The following EIF2D variants were observed in gnomAD, a reference collection of about 807,000 sequenced individuals.
The protein encoded by EIF2D is eukaryotic translation initiation factor 2D.
A neutral mutation model predicts 77.4 loss-of-function variants in EIF2D; 56 were observed. The observed-to-expected ratio is 0.72, with a 90% CI of 0.58 to 0.90. The LOEUF is 0.90. EIF2D is among the 40% of genes least tolerant of loss of function. The pLI, the probability that EIF2D is intolerant of heterozygous loss-of-function variation, is 0.00. For synonymous variants in EIF2D, 230 were observed against 271.0 expected (o/e 0.85, Z 1.49); for missense variants, 574 against 706.5 (o/e 0.81, Z 2.13).
At chr1:206,577,852 T>A (rs1668712171) in intron 4 of EIF2D, among the ~76,000 whole-genome samples, 1 of 152,132 alleles carries the variant, frequency 6.6e-6, no homozygotes, top group South Asian at 2.1e-4. Context: ...AGAGAACAAA[T>A]TGAAGTATGA....
chr1:206,584,538 AC>A lies in EIF2D; in HGVS notation c.139-3377del. ...ACCACGGACAAGCGGACATCCTTCT[AC>A]CTGCCCCTAGATGCCATCAAGCAGC... is the stretch of plus-strand genomic sequence containing the variant. On this transcript the variant is annotated intron_variant and NMD_transcript_variant, in intron 2 of 5. Coordinates refer to the EIF2D transcript ENST00000472709. The surrounding 1 kb of genome is among the most constrained non-coding windows in gnomAD (Gnocchi z 4.9). The A allele has an allele frequency of 6.2e-7, 1 of 1,614,134 alleles. No homozygotes were observed. The highest frequency in any genetic ancestry group is 8.5e-7 in the Non-Finnish European group (1 of 1,179,998).
At chr1:206,586,186 A>C (rs1486653050) in intron 2 of EIF2D, 1 of 152,764 alleles carries the variant, frequency 6.5e-6, no homozygotes, top group Non-Finnish European at 1.5e-5. Context: ...TTAGTACTCT[A>C]TTGTGCTCAA....
At chr1:206,588,213 A>G (rs1669204947), downstream of EIF2D, 1 of 152,814 alleles carries the variant, frequency 6.5e-6, no homozygotes, top group South Asian at 2.1e-4. Flanking sequence ...GAAGTGAACA[A>G]TGGCGGCGGT....
At chr1:206,574,376 G>A (rs782229618) in intron 4 of EIF2D, among the ~76,000 whole-genome samples, 3 of 152,200 alleles carry the variant, frequency 2.0e-5, no homozygotes, top group Non-Finnish European at 2.9e-5. Flanking sequence ...TCCCATCTGC[G>A]TCATCTCTCA....
At chr1:206,590,352 G>A (rs782035027), downstream of EIF2D, among the ~76,000 whole-genome samples, 3 of 152,290 alleles carry the variant, frequency 2.0e-5, no homozygotes, top group Admixed American at 6.5e-5. Flanking sequence ...TCAACAAGGC[G>A]GGACATGACC....
chr1:206,597,087 C>G lies in EIF2D; in HGVS notation c.1388+13G>C, dbSNP rs782257577. The G allele has an allele frequency of 7.5e-6, 12 of 1,609,588 alleles. No individual in the cohort carries two copies. The Admixed American group carries it at 2.0e-4, about 27-fold the overall frequency. On this transcript the variant is annotated intron_variant, in intron 12 of 14. Coordinates refer to ENST00000271764, the MANE Select transcript of EIF2D (RefSeq NM_006893.3). Reference sequence around the variant, plus strand: ...GATAGAAAAGTTGGAGAGGGACTGCCAATGCTCGTTACCTGGTCAGAAGAC... The same window carrying G: ...GATAGAAAAGTTGGAGAGGGACTGCGAATGCTCGTTACCTGGTCAGAAGAC...
At chr1:206,603,696 G>T (rs1670045611) in intron 5 of EIF2D, among the ~76,000 whole-genome samples, 1 of 152,208 alleles carries the variant, frequency 6.6e-6, no homozygotes, top group South Asian at 2.1e-4. Context: ...AGTGGCTTCT[G>T]TGTTACATCA....
chr1:206,608,154 A>C (rs1670287386), intron 4 of EIF2D, 82 bp downstream of exon 4: 1 of 1,350,912 alleles, frequency 7.4e-7, no homozygotes, highest in Non-Finnish European at 1.0e-6. Flanking sequence ...TTTTGTTCAT[A>C]TGCTTTATAA....
intron 12 of EIF2D, among the ~76,000 whole-genome samples, chr1:206,596,227 A>G (rs1219209820): frequency 6.6e-6 from 1 of 152,138 alleles, no homozygotes; most frequent in Non-Finnish European, 1.5e-5. Context: ...GCTGCTTCAC[A>G]TTTCTGACAT....
chr1:206,599,463 T>C lies in EIF2D; in HGVS notation c.1202A>G (p.Lys401Arg). 1.2e-6 allele frequency: 2 copies of C among 1,613,588 alleles called. No individual in the cohort carries two copies. The highest frequency in any genetic ancestry group is 1.7e-6 in the Non-Finnish European group (2 of 1,179,840). The change falls in exon 10 of 15, where the codon AAG becomes AGG. Residue 401 changes from lysine to arginine, a missense_variant and splice_region_variant. By Grantham distance (26) the Lys-to-Arg change is conservative. Coordinates refer to ENST00000271764, the MANE Select transcript of EIF2D (RefSeq NM_006893.3). This position sits in a 1 kb window ranked among gnomAD's most constrained non-coding sequence, Gnocchi z 4.1. ...MTLLFQESGH[K>R]KGSFLEGSEV... Reference sequence around the variant, plus strand: ...GAAGGGCTGCTCTCCAAAAACTCACTTGTGGCCAGACTCCTGGAAGAGCAG... The same window carrying C: ...GAAGGGCTGCTCTCCAAAAACTCACCTGTGGCCAGACTCCTGGAAGAGCAG...
In EIF2D at chr1:206,576,196, C is replaced by T. The variant is rs117747787; in HGVS notation, c.*255-3497G>A. On this transcript the variant is annotated intron_variant and NMD_transcript_variant, in intron 4 of 5. Coordinates refer to the EIF2D transcript ENST00000472709. ...TATAATTAGATGCCAGCTGTAGCCACACAGGCTCTGAAATCACCTCTATAG... is the reference window on the plus strand; with the variant it reads ...TATAATTAGATGCCAGCTGTAGCCATACAGGCTCTGAAATCACCTCTATAG... Among the ~76,000 whole-genome samples, 1,513 of 152,366 alleles carry T rather than the reference C, an allele frequency of 9.9e-3. 23 individuals carry two copies. Among genetic ancestry groups the T allele is most frequent in the South Asian group, 0.065 (313 of 4,830 alleles).
Position 206,573,728 on chromosome 1 carries a change from C to T in EIF2D, c.*255-1029G>A, listed in dbSNP as rs564186396. Among the ~76,000 whole-genome samples, 11 of 152,324 alleles carry T rather than the reference C, an allele frequency of 7.2e-5. No individual in the cohort carries two copies. In the South Asian group the frequency reaches 2.3e-3, roughly 32 times the overall value. The stretch of plus-strand genomic sequence containing the variant: ...TCTACTTGGAAGTTAATATAAGTAG[C>T]CAGGCGTAGTGGCTCACGCCTGTAA... On this transcript the variant is annotated intron_variant and NMD_transcript_variant, in intron 4 of 5. Transcript: ENST00000472709.
intron 14 of EIF2D, 103 bp downstream of exon 14, chr1:206,593,508 AGTGTGTGT>A (rs782562616): frequency 1.8e-4 from 71 of 401,460 alleles, no homozygotes; most frequent in South Asian, 3.2e-4. Context: ...AGAGAGAGAG[AGTGTGTGT>A]GTGTGTGTGT....
Position 206,612,324 on chromosome 1 carries a change from G to C in EIF2D, c.19C>G (p.Arg7Gly), listed in dbSNP as rs1401601010. The change falls in exon 1 of 15, where the codon CGG becomes GGG. Residue 7 changes from arginine to glycine, a missense_variant. Arg to Gly is a moderately radical substitution (Grantham distance 125). Coordinates refer to ENST00000271764, the MANE Select transcript of EIF2D (RefSeq NM_006893.3). MFAKAF[R>G]VKSNTAIKGS... ...TTGATGGCCGTGTTGGACTTGACCC[G>C]AAAGGCCTTGGCAAACATGTCTGCT... 1 of 1,614,246 alleles carries C rather than the reference G, an allele frequency of 6.2e-7. No homozygotes were observed.
chr1:206,605,939 G>A (rs998694499), intron 4 of EIF2D, among the ~76,000 whole-genome samples: 3 of 152,144 alleles, frequency 2.0e-5, no homozygotes, highest in Non-Finnish European at 2.9e-5. Flanking sequence ...TTAGGCTGAG[G>A]GATGCCATAG....
At chr1:206,611,742 T>C (rs909290726) in intron 1 of EIF2D, among the ~76,000 whole-genome samples, 4 of 152,224 alleles carry the variant, frequency 2.6e-5, no homozygotes, top group South Asian at 4.1e-4. Context: ...TAAATAACTA[T>C]GCCATGAGAC....
chr1:206,583,215 T>C, intron 2 of EIF2D: 1 of 1,237,178 alleles, frequency 8.1e-7, no homozygotes, highest in South Asian at 1.2e-5. Context: ...GGTTGTTCCC[T>C]TTCTCACCCT....
chr1:206,571,585 G>T (rs9628705), intron 5 of EIF2D: 18 of 152,134 alleles, frequency 1.2e-4, no homozygotes, highest in African/African-American at 3.9e-4. Context: ...TAACACTAAC[G>T]TACAGAGAGT....
chr1:206,589,186 G>C (rs1173318254), downstream of EIF2D: 2 of 152,678 alleles, frequency 1.3e-5, no homozygotes, highest in Non-Finnish European at 2.9e-5. Flanking sequence ...TGCTCAGTGT[G>C]TAAGTGTTTG....
Sources: gnomAD v4.1 joint callset for allele counts (sites outside exome capture counted in the v4.1 genomes callset) on GRCh38, gnomAD v4.1.1 for gene constraint, Gnocchi (gnomAD v3.1) non-coding constraint, MANE v1.5 for transcripts, NCBI Gene and HGNC (gene_info 2026-07-23, HGNC 2026-07-21) for gene names.